Variants in GNB1 observed in about 807,000 individuals in gnomAD.
GNB1 encodes guanine nucleotide-binding protein G(I)/G(S)/G(T) subunit beta-1.
A neutral mutation model predicts 42.9 loss-of-function variants in GNB1; 2 were observed. The ratio of observed to expected loss-of-function variants is 0.05; its 90% CI spans 0.02 to 0.15. GNB1 has a LOEUF of 0.15. Among genes scored for constraint, GNB1 ranks in the 10% least tolerant of loss-of-function variants. GNB1 has a pLI of 1.00. For synonymous variants in GNB1, 183 were observed against 174.7 expected, an observed-to-expected ratio of 1.05 and a Z score of -0.38; for missense variants, 193 against 462.2, an observed-to-expected ratio of 0.42 and a Z score of 5.34.
intron 7 of GNB1, among the ~76,000 whole-genome samples, chr1:1,802,496 T>G (rs1334158546): frequency 1.3e-5 from 2 of 151,534 alleles, no homozygotes; most frequent in African/African-American, 2.4e-5. Context: ...AGGCTGGGAG[T>G]GGTGGCTCAA....
intron 2 of GNB1, among the ~76,000 whole-genome samples, chr1:1,835,783 A>C (rs572122048): frequency 1.3e-5 from 2 of 152,158 alleles, no homozygotes; most frequent in South Asian, 4.1e-4. Flanking sequence ...CATTCCAAGA[A>C]AATGCCAGGC....
chr1:1,793,997 G>A (rs949162723), intron 7 of GNB1: 6 of 152,446 alleles, frequency 3.9e-5, no homozygotes, highest in African/African-American at 1.2e-4. Flanking sequence ...TGCAGACACG[G>A]GGGTGCTCGT....
intron 7 of GNB1, 96 bp downstream of exon 7, chr1:1,804,323 T>C (rs1362807498): frequency 1.3e-6 from 1 of 799,130 alleles, no homozygotes; most frequent in Non-Finnish European, 2.0e-6. Context: ...ATTAATTAAT[T>C]AAAAAATGAT....
In GNB1 at chr1:1,803,827, C is replaced by T. The variant is rs576892517; in HGVS notation, c.430+592G>A. 2.6e-5 allele frequency among the ~76,000 whole-genome samples: 4 copies of T among 151,862 alleles called. No homozygotes were observed. In the South Asian group the frequency reaches 6.3e-4, roughly 24 times the overall value. On this transcript the variant is annotated intron_variant, in intron 7 of 11. Coordinates refer to ENST00000378609, the MANE Select transcript of GNB1 (RefSeq NM_002074.5). The stretch of plus-strand genomic sequence containing the variant: ...CAAAACCCCGCCTCTACTAAAAATA[C>T]AAAAATTAGCTGGGCGTGGTGGCGG...
chr1:1,840,332 G>C (rs1400593247), intron 1 of GNB1, among the ~76,000 whole-genome samples: 1 of 151,892 alleles, frequency 6.6e-6, no homozygotes, highest in Non-Finnish European at 1.5e-5. Flanking sequence ...TTCGAGACCA[G>C]CCTGGCCAAT....
chr1:1,844,880 C>T (rs1186346592), intron 1 of GNB1, among the ~76,000 whole-genome samples: 6 of 152,262 alleles, frequency 3.9e-5, no homozygotes, highest in East Asian at 1.9e-4. Context: ...GTCTATATTC[C>T]GGAAAACATC....
In GNB1 at chr1:1,862,309, G is replaced by C. The variant is rs897974544; in HGVS notation, c.-95-23071C>G. On this transcript the variant is annotated intron_variant, in intron 1 of 11. Transcript: ENST00000378609. The stretch of plus-strand genomic sequence containing the variant: ...GAATTGGAGGATGAAGAGCCACTAA[G>C]TAACTCCTGGGACCTCCTCTTCGGA... 2.6e-5 allele frequency among the ~76,000 whole-genome samples: 4 copies of C among 151,510 alleles called. No homozygotes were observed. The East Asian group carries it at 7.7e-4, about 29-fold the overall frequency.
intron 7 of GNB1, among the ~76,000 whole-genome samples, chr1:1,797,673 G>A (rs1423280019): frequency 2.0e-5 from 3 of 152,194 alleles, no homozygotes; most frequent in Non-Finnish European, 2.9e-5. Context: ...CTAACATCAG[G>A]TGATCCACCT....
intron 1 of GNB1, among the ~76,000 whole-genome samples, chr1:1,845,796 G>A (rs976705544): frequency 2.0e-5 from 3 of 147,490 alleles, no homozygotes; most frequent in Non-Finnish European, 3.0e-5. Flanking sequence ...CATTTATTCC[G>A]CTGTAGAATC....
At chr1:1,888,550 C>T (rs779154340) in intron 1 of GNB1, among the ~76,000 whole-genome samples, 3 of 152,104 alleles carry the variant, frequency 2.0e-5, no homozygotes, top group African/African-American at 4.8e-5. Context: ...AAAGTTCTGC[C>T]TTACCGGCTG....
chr1:1,869,020 T>TA (rs908297153), intron 1 of GNB1, among the ~76,000 whole-genome samples: 35 of 149,572 alleles, frequency 2.3e-4, no homozygotes, highest in Admixed American at 1.1e-3. Context: ...CCGTCTCTAC[T>TA]AAAAAAATAC....
chr1:1,882,597 A>G (rs1649912509), intron 1 of GNB1, among the ~76,000 whole-genome samples: 1 of 152,158 alleles, frequency 6.6e-6, no homozygotes, highest in Admixed American at 6.5e-5. Flanking sequence ...ATCTAGCTTC[A>G]TAAATGGGAG....
intron 1 of GNB1, among the ~76,000 whole-genome samples, chr1:1,851,909 A>G (rs2101523507): frequency 6.6e-6 from 1 of 151,066 alleles, no homozygotes; most frequent in East Asian, 2.0e-4. Context: ...CGGGCATGGT[A>G]GCGCATGCTT....
At chr1:1,826,336 G>T (rs1646997834) in intron 2 of GNB1, among the ~76,000 whole-genome samples, 1 of 152,184 alleles carries the variant, frequency 6.6e-6, no homozygotes, top group Non-Finnish European at 1.5e-5. Context: ...AGAATCATTT[G>T]AACCTGGGAG....
chr1:1,861,867 G>A (rs1648646895), intron 1 of GNB1, among the ~76,000 whole-genome samples: 1 of 152,156 alleles, frequency 6.6e-6, no homozygotes, highest in African/African-American at 2.4e-5. Flanking sequence ...CAGACCCAAA[G>A]TGAGGGATGT....
intron 1 of GNB1, among the ~76,000 whole-genome samples, chr1:1,855,827 T>C (rs1648264720): frequency 6.6e-6 from 1 of 152,220 alleles, no homozygotes; most frequent in Admixed American, 6.5e-5. Context: ...TCTTTGGCTA[T>C]TTCAAAGAGG....
intron 1 of GNB1, among the ~76,000 whole-genome samples, chr1:1,852,421 G>A (rs569723925): frequency 1.4e-4 from 21 of 152,032 alleles, no homozygotes; most frequent in Middle Eastern, 3.4e-3. Context: ...TAGTAGAGAC[G>A]GTGTTTCACG....
At position 1,819,370 on chromosome 1, in the gene GNB1, G is replaced by A. The variant is rs138178951; in HGVS notation, c.58-1495C>T. ...CTTGAGTAGCTGAGACCACAGGCGT[G>A]TGCCACCACACCGGCTAATTTAGTA... On this transcript the variant is annotated intron_variant, in intron 3 of 11. Transcript: ENST00000378609. 1.3e-4 allele frequency among the ~76,000 whole-genome samples: 20 copies of A among 152,018 alleles called. No homozygotes were observed. The East Asian group carries it at 3.9e-3, about 30-fold the overall frequency.
At chr1:1,794,559 C>T (rs1646522137) in intron 7 of GNB1, among the ~76,000 whole-genome samples, 1 of 152,022 alleles carries the variant, frequency 6.6e-6, no homozygotes, top group Admixed American at 6.6e-5. Context: ...CCAACTACAC[C>T]CCAGGGAGTC....
Sources: gnomAD v4.1 joint callset for allele counts (sites outside exome capture counted in the v4.1 genomes callset) on GRCh38, gnomAD v4.1.1 for gene constraint, MANE v1.5 for transcripts, NCBI Gene and HGNC (gene_info 2026-07-23, HGNC 2026-07-21) for gene names.